The following SLC25A13 variants were observed in gnomAD, a reference collection of about 807,000 sequenced individuals.
The protein encoded by SLC25A13 is solute carrier family 25 member 13, also known as electrogenic aspartate/glutamate antiporter SLC25A13, mitochondrial.
In SLC25A13, 70 loss-of-function variants were observed where a neutral mutation model predicts 85.5. The ratio of observed to expected loss-of-function variants is 0.82; its 90% CI spans 0.68 to 1.00. The LOEUF is 1.00. Ranked by LOEUF, SLC25A13 falls within the 50% of genes least tolerant of loss-of-function variation. SLC25A13 has a pLI of 0.00. For missense variants in SLC25A13, 765 were observed against 819.8 expected (o/e 0.93, Z 0.82); for synonymous variants, 259 against 288.7 (o/e 0.90, Z 1.04).
At chr7:96,131,605 A>T in intron 15 of SLC25A13, 138 bp downstream of exon 15, 1 of 1,051,558 alleles carries the variant, frequency 9.5e-7, no homozygotes, top group Non-Finnish European at 1.4e-6. Flanking sequence ...TTTTTTCAGT[A>T]GCTCTTCAAT....
At chr7:96,209,584 G>A (rs1427977052) in intron 4 of SLC25A13, among the ~76,000 whole-genome samples, 4 of 152,116 alleles carry the variant, frequency 2.6e-5, no homozygotes, top group African/African-American at 9.7e-5. Context: ...CCAAGTCTTT[G>A]ATTTTCTACT....
At chr7:96,132,402 T>C (rs1209635697) in intron 14 of SLC25A13, among the ~76,000 whole-genome samples, 2 of 152,220 alleles carry the variant, frequency 1.3e-5, no homozygotes, top group Non-Finnish European at 2.9e-5. Flanking sequence ...AGGGGGTTCA[T>C]GGATCCTTCT....
At chr7:96,209,714 A>G (rs2116721061) in intron 4 of SLC25A13, among the ~76,000 whole-genome samples, 1 of 152,292 alleles carries the variant, frequency 6.6e-6, no homozygotes, top group East Asian at 1.9e-4. Flanking sequence ...GAAAAACTGT[A>G]AGAGGACTGA....
In SLC25A13 at chr7:96,146,601, AC is replaced by A. The variant is rs747368721; in HGVS notation, c.1406del (p.Ser469MetfsTer39). The A allele has an allele frequency of 6.2e-7, 1 of 1,614,028 alleles. No individual in the cohort carries two copies. On this transcript the variant is annotated frameshift_variant, in exon 14 of 18. Coordinates refer to ENST00000265631, the MANE Select transcript of SLC25A13 (RefSeq NM_014251.3). LOFTEE classifies it high-confidence loss of function. ...AGEITTGPRV[S>X]ALSVVRDLGF... Reference sequence around the variant, plus strand: ...CCAGGTCCCGCACGACAGACAGAGCACTGACTCGAGGACCAGTGGTGATTTC... The same window carrying A: ...CCAGGTCCCGCACGACAGACAGAGCATGACTCGAGGACCAGTGGTGATTTC...
intron 13 of SLC25A13, among the ~76,000 whole-genome samples, chr7:96,153,665 C>T (rs1019743114): frequency 3.9e-5 from 6 of 152,314 alleles, no homozygotes; most frequent in South Asian, 4.1e-4. Flanking sequence ...TGTACTCTCA[C>T]CCAGGCTATT....
chr7:96,270,452 A>G (rs1276306829), intron 3 of SLC25A13, among the ~76,000 whole-genome samples: 1 of 151,990 alleles, frequency 6.6e-6, no homozygotes, highest in East Asian at 1.9e-4. Context: ...GCTACTCAGG[A>G]GGCTGAGGCA....
intron 3 of SLC25A13, among the ~76,000 whole-genome samples, chr7:96,237,999 A>G (rs1054722624): frequency 6.6e-6 from 1 of 152,170 alleles, no homozygotes; most frequent in Non-Finnish European, 1.5e-5. Flanking sequence ...AGATGCTGGT[A>G]TGGGCAGAAC....
At chr7:96,192,072 T>C (rs539672907) in intron 6 of SLC25A13, among the ~76,000 whole-genome samples, 4 of 152,202 alleles carry the variant, frequency 2.6e-5, no homozygotes, top group South Asian at 4.1e-4. Flanking sequence ...GAAAGTTTAG[T>C]ATGGAGTAGA....
intron 13 of SLC25A13, among the ~76,000 whole-genome samples, chr7:96,151,949 A>AAAAT (rs1050674442): frequency 2.6e-5 from 4 of 152,194 alleles, no homozygotes; most frequent in African/African-American, 7.2e-5. Context: ...CGTCTCAATA[A>AAAAT]AAATAAATAA....
At chr7:96,126,687 T>G (rs1444848355) in intron 15 of SLC25A13, among the ~76,000 whole-genome samples, 3 of 152,234 alleles carry the variant, frequency 2.0e-5, no homozygotes, top group Non-Finnish European at 2.9e-5. Flanking sequence ...CAGTCCAGTT[T>G]CAGAGTCAAT....
intron 11 of SLC25A13, among the ~76,000 whole-genome samples, chr7:96,177,718 C>T (rs1794278474): frequency 6.6e-6 from 1 of 152,160 alleles, no homozygotes; most frequent in Admixed American, 6.5e-5. Flanking sequence ...TCTTCATCAT[C>T]ACTATCACTT....
chr7:96,269,152 A>G (rs1798139490), intron 3 of SLC25A13, among the ~76,000 whole-genome samples: 1 of 152,192 alleles, frequency 6.6e-6, no homozygotes, highest in Non-Finnish European at 1.5e-5. Flanking sequence ...AATATACACA[A>G]CTGTGCCAAG....
chr7:96,146,444 C>G, intron 14 of SLC25A13, 112 bp downstream of exon 14: 3 of 1,405,080 alleles, frequency 2.1e-6, no homozygotes, highest in Middle Eastern at 4.6e-4. Context: ...GGTAGAACAT[C>G]TTCTCCAGGT....
chr7:96,145,917 C>A (rs751370829), intron 14 of SLC25A13, among the ~76,000 whole-genome samples: 2 of 152,064 alleles, frequency 1.3e-5, no homozygotes, highest in East Asian at 3.8e-4. Flanking sequence ...CTTAGTCAAG[C>A]TAGCGTAAAA....
At chr7:96,244,890 T>C (rs990367086) in intron 3 of SLC25A13, among the ~76,000 whole-genome samples, 3 of 152,230 alleles carry the variant, frequency 2.0e-5, no homozygotes, top group African/African-American at 7.2e-5. Context: ...TTTTACTGTA[T>C]CGTTATCACA....
intron 11 of SLC25A13, among the ~76,000 whole-genome samples, chr7:96,179,748 G>T (rs1794349326): frequency 6.6e-6 from 1 of 152,200 alleles, no homozygotes; most frequent in African/African-American, 2.4e-5. Flanking sequence ...GGTGGACATG[G>T]ATGGACATGA....
At chr7:96,269,112 GT>G (rs948653200) in intron 3 of SLC25A13, among the ~76,000 whole-genome samples, 2 of 151,668 alleles carry the variant, frequency 1.3e-5, no homozygotes, top group Admixed American at 1.3e-4. Flanking sequence ...CAAGCACTGT[GT>G]TTTTTTTTCC....
chr7:96,262,493 A>T (rs1006340970), intron 3 of SLC25A13, among the ~76,000 whole-genome samples: 1 of 147,538 alleles, frequency 6.8e-6, no homozygotes, highest in Non-Finnish European at 1.5e-5. Context: ...GTAAAAAGGG[A>T]AAAGTGTTCC....
intron 1 of SLC25A13, among the ~76,000 whole-genome samples, chr7:96,298,958 A>G (rs904558508): frequency 2.6e-5 from 4 of 152,180 alleles, no homozygotes; most frequent in Non-Finnish European, 4.4e-5. Context: ...CCACTTTAAG[A>G]GCAGAAAAAT....
Sources: gnomAD v4.1 joint callset for allele counts (sites outside exome capture counted in the v4.1 genomes callset) on GRCh38, gnomAD v4.1.1 for gene constraint, MANE v1.5 for transcripts, NCBI Gene and HGNC (gene_info 2026-07-23, HGNC 2026-07-21) for gene names.